Variants in WDR72 observed in about 807,000 individuals in gnomAD.
The protein encoded by WDR72 is WD repeat domain 72.
In WDR72, 120 loss-of-function variants were observed where a neutral mutation model predicts 124.2. The observed-to-expected ratio is 0.97, with a 90% CI of 0.83 to 1.12. The LOEUF is 1.12. Ranked by LOEUF, WDR72 falls within the 50% of genes most tolerant of loss-of-function variation. The probability of loss-of-function intolerance (pLI) is 0.00; values close to 1 mark genes in which losing one functional copy is unlikely to be tolerated. For missense variants in WDR72, 1,387 were observed against 1,278.8 expected (o/e 1.08, Z -1.29); for synonymous variants, 452 against 441.7 (o/e 1.02, Z -0.29).
At position 53,513,869 on chromosome 15, in the gene WDR72, T is replaced by C. The variant is rs1194874113; in HGVS notation, c.*3830A>G. The C allele has an allele frequency of 1.3e-5, 2 of 152,188 alleles. No individual in the cohort carries two copies. The highest frequency in any genetic ancestry group is 2.9e-5 in the Non-Finnish European group (2 of 68,040). 9.4% of individuals were successfully genotyped at this position (152,188 alleles called of 1,614,324 possible). A position where few individuals can be genotyped will look rare whatever the true frequency, so the allele number is the denominator to read the frequency against. Reference sequence around the variant, plus strand: ...ATGAAGGTGAAAAGAGTAAAGGAGTTGTACTAGGACAGGCCTCCCATTAGA... The same window carrying C: ...ATGAAGGTGAAAAGAGTAAAGGAGTCGTACTAGGACAGGCCTCCCATTAGA... On this transcript the variant is annotated 3_prime_UTR_variant, in exon 20 of 20. Transcript: ENST00000360509.
Position 53,523,320 on chromosome 15 carries a change from G to C in WDR72, c.3151C>G (p.Pro1051Ala). ...CTGTCATGCTTGACCGGGCTGACTG[G>C]AGCTATTAAAAGAGAGAGAGAGAGA... is the stretch of plus-strand genomic sequence containing the variant. ...CVRNTLPLQT[P>A]VSPVKHDSNS... Residue 1051 changes from proline (P) to alanine (A), a missense_variant and splice_region_variant, in exon 19 of 20, where the codon CCA becomes GCA. Physicochemically the swap from Pro to Ala is conservative, Grantham distance 27. Transcript: ENST00000360509. The C allele has an allele frequency of 6.2e-7, 1 of 1,609,866 alleles. No homozygotes were observed. Among genetic ancestry groups the C allele is most frequent in the Non-Finnish European group, 8.5e-7 (1 of 1,178,516 alleles).
At chr15:53,750,089 A>C (rs763186573) in intron 1 of WDR72, among the ~76,000 whole-genome samples, 14 of 152,224 alleles carry the variant, frequency 9.2e-5, no homozygotes, top group Non-Finnish European at 1.6e-4. Flanking sequence ...ACAGATTTTC[A>C]ATGTAGATGA....
intron 13 of WDR72, among the ~76,000 whole-genome samples, chr15:53,672,650 A>C (rs777239868): frequency 1.3e-5 from 2 of 152,206 alleles, no homozygotes; most frequent in Non-Finnish European, 2.9e-5. Flanking sequence ...GGCACAGAGT[A>C]AAGAGCACAC....
rs1187367772 is a variant in WDR72, at chr15:53,573,278, C to T, written c.3148+23801G>A. Among the ~76,000 whole-genome samples the T allele has an allele frequency of 3.9e-5, 6 of 152,264 alleles. 1 individual carries two copies. In the South Asian group the frequency reaches 1.2e-3, roughly 32 times the overall value. On this transcript the variant is annotated intron_variant, in intron 18 of 19. Coordinates refer to ENST00000360509, the MANE Select transcript of WDR72 (RefSeq NM_182758.4). ...TATGAATAACTCTAAGGTGTGTTAA[C>T]AGTCATCATACAGAAGGAAATTCCA...
chr15:53,619,989 GA>G, intron 14 of WDR72, among the ~76,000 whole-genome samples: 1 of 151,842 alleles, frequency 6.6e-6, no homozygotes, highest in Non-Finnish European at 1.5e-5. Flanking sequence ...ATAATGGGGG[GA>G]GTAAATGGGC....
At chr15:53,694,022 T>C (rs1159279944) in intron 13 of WDR72, among the ~76,000 whole-genome samples, 1 of 152,100 alleles carries the variant, frequency 6.6e-6, no homozygotes, top group African/African-American at 2.4e-5. Flanking sequence ...TACCTACTAA[T>C]TGGTCAAAGA....
chr15:53,733,115 C>T lies in WDR72; in HGVS notation c.35G>A (p.Gly12Glu). Reference protein sequence around the residue: ...RTSLQAVALWGQKAPPHSITA... With the variant: ...RTSLQAVALWEQKAPPHSITA... ...GATGCTGTGGGGAGGGGCCTTCTGTCCCCAGAGTGCCACTGCCTGCAGGGA... is the reference window on the plus strand; with the variant it reads ...GATGCTGTGGGGAGGGGCCTTCTGTTCCCAGAGTGCCACTGCCTGCAGGGA... The change falls in exon 2 of 20, where the codon GGA (glycine) becomes GAA (glutamate). Residue 12 changes from glycine to glutamate, a missense_variant. Physicochemically the swap from Gly to Glu is moderately conservative, Grantham distance 98. Transcript: ENST00000360509. The T allele has an allele frequency of 6.2e-7, 1 of 1,613,954 alleles. No individual in the cohort carries two copies. The highest frequency in any genetic ancestry group is 8.5e-7 in the Non-Finnish European group (1 of 1,179,950).
rs563499722 is a variant in WDR72, at chr15:53,745,678, T to G, written c.-12-12517A>C. Reference sequence around the variant, plus strand: ...GAGACATGCTTATAGAAAATACGTATTTTTCATCTGAAATTCAAATATAAC... The same window carrying G: ...GAGACATGCTTATAGAAAATACGTAGTTTTCATCTGAAATTCAAATATAAC... On this transcript the variant is annotated intron_variant, in intron 1 of 19. Transcript: ENST00000360509. Among the ~76,000 whole-genome samples, 14 of 152,274 alleles carry G rather than the reference T, an allele frequency of 9.2e-5. 1 individual carries two copies. The highest frequency in any genetic ancestry group is 3.4e-4 in the African/African-American group (14 of 41,548).
At position 53,515,621 on chromosome 15, in the gene WDR72, T is replaced by C. The variant is rs1226805057; in HGVS notation, c.*2078A>G. 1.3e-5 allele frequency: 2 copies of C among 152,204 alleles called. No homozygotes were observed. The highest frequency in any genetic ancestry group is 2.4e-5 in the African/African-American group (1 of 41,464). 9.4% of individuals were successfully genotyped at this position (152,204 alleles called of 1,614,324 possible). A position where few individuals can be genotyped will look rare whatever the true frequency, so the allele number is the denominator to read the frequency against. On this transcript the variant is annotated 3_prime_UTR_variant, in exon 20 of 20. Coordinates refer to ENST00000360509, the MANE Select transcript of WDR72 (RefSeq NM_182758.4). Reference sequence around the variant, plus strand: ...GCAAACCTTAGTCATTTAACAGGAATGTTTAAATTTTAGAGATTCTAACAT... The same window carrying C: ...GCAAACCTTAGTCATTTAACAGGAACGTTTAAATTTTAGAGATTCTAACAT...
At chr15:53,751,949 A>T (rs896073688) in intron 1 of WDR72, among the ~76,000 whole-genome samples, 2 of 152,214 alleles carry the variant, frequency 1.3e-5, no homozygotes, top group Admixed American at 1.3e-4. Flanking sequence ...GGAAATCATT[A>T]ATTAGTAAGC....
At chr15:53,741,930 G>A (rs979298513) in intron 1 of WDR72, among the ~76,000 whole-genome samples, 3 of 152,144 alleles carry the variant, frequency 2.0e-5, no homozygotes, top group Non-Finnish European at 2.9e-5. Context: ...GTTTCACCAT[G>A]TTGGCCAGGA....
At chr15:53,754,731 A>G (rs2018857073) in intron 1 of WDR72, among the ~76,000 whole-genome samples, 1 of 152,128 alleles carries the variant, frequency 6.6e-6, no homozygotes, top group Non-Finnish European at 1.5e-5. Flanking sequence ...ATTCCACACA[A>G]TAATTCACCA....
chr15:53,610,443 G>T (rs2013489874), intron 16 of WDR72, among the ~76,000 whole-genome samples: 1 of 151,930 alleles, frequency 6.6e-6, no homozygotes, highest in Non-Finnish European at 1.5e-5. Flanking sequence ...AAGCGGAAAA[G>T]TTGTTACTAT....
intron 3 of WDR72, among the ~76,000 whole-genome samples, chr15:53,717,957 T>G (rs28538312): frequency 0.088 from 13,380 of 152,106 alleles, 2,025 homozygotes; most frequent in African/African-American, 0.31. Context: ...GGGAGGAAGG[T>G]AGATATTGAA....
intron 17 of WDR72, among the ~76,000 whole-genome samples, chr15:53,604,514 C>T (rs71474837): frequency 0.042 from 6,422 of 152,096 alleles, 164 homozygotes; most frequent in Non-Finnish European, 0.057. Context: ...TTCTGCACAG[C>T]GAAAGAAACT....
chr15:53,704,008 A>G (rs2017263136), intron 11 of WDR72, among the ~76,000 whole-genome samples: 1 of 152,152 alleles, frequency 6.6e-6, no homozygotes, highest in Non-Finnish European at 1.5e-5. Context: ...TTAGCTGTAT[A>G]CCAGTACATT....
At chr15:53,559,785 T>C (rs1410858532) in intron 18 of WDR72, among the ~76,000 whole-genome samples, 2 of 151,916 alleles carry the variant, frequency 1.3e-5, no homozygotes, top group Non-Finnish European at 2.9e-5. Context: ...TGTACTGGGG[T>C]TTGCCAATTA....
intron 14 of WDR72, among the ~76,000 whole-genome samples, chr15:53,650,713 C>T (rs1378562038): frequency 6.6e-6 from 1 of 152,100 alleles, no homozygotes; most frequent in African/African-American, 2.4e-5. Context: ...AGCGGTTCCT[C>T]CCACTGGCAC....
intron 6 of WDR72, 101 bp downstream of exon 6, chr15:53,714,333 T>C: frequency 3.2e-6 from 3 of 946,382 alleles, no homozygotes; most frequent in Non-Finnish European, 5.1e-6. Context: ...TCTATGTTAT[T>C]TGAACTTTTG....
Sources: gnomAD v4.1 joint callset for allele counts (sites outside exome capture counted in the v4.1 genomes callset) on GRCh38, gnomAD v4.1.1 for gene constraint, MANE v1.5 for transcripts, NCBI Gene and HGNC (gene_info 2026-07-23, HGNC 2026-07-21) for gene names.